The following SPEN variants were observed in gnomAD, a reference collection of about 807,000 sequenced individuals.
SPEN encodes the protein msx2-interacting protein.
A neutral mutation model predicts 269.9 loss-of-function variants in SPEN; 18 were observed. The ratio of observed to expected loss-of-function variants is 0.07; its 90% CI spans 0.05 to 0.10. The LOEUF (loss-of-function observed/expected upper bound fraction) is 0.10, where lower values mean the gene tolerates loss of function less well. Among genes scored for constraint, SPEN ranks in the 10% least tolerant of loss-of-function variants. The pLI, the probability that SPEN is intolerant of heterozygous loss-of-function variation, is 1.00. For missense variants in SPEN, 3,822 were observed against 4,631.2 expected, an observed-to-expected ratio of 0.83 and a Z score of 5.07; for synonymous variants, 1,726 against 1,765.7, an observed-to-expected ratio of 0.98 and a Z score of 0.56.
chr1:15,933,975 A>C lies in SPEN; in HGVS notation c.7735A>C (p.Lys2579Gln), dbSNP rs760674060. 3 of 1,614,016 alleles carry C rather than the reference A, an allele frequency of 1.9e-6. No individual in the cohort carries two copies. The highest frequency in any genetic ancestry group is 2.5e-6 in the Non-Finnish European group (3 of 1,179,944). The change falls in exon 11 of 15, where the codon AAA becomes CAA. Residue 2579 changes from lysine (K) to glutamine (Q), a missense_variant. By Grantham distance (53) the Lys-to-Gln change is moderately conservative. Coordinates refer to ENST00000375759, the MANE Select transcript of SPEN (RefSeq NM_015001.3). The surrounding 1 kb of genome is among the most constrained non-coding windows in gnomAD (Gnocchi z 5.7). ...GGCCCCGCCCCCGCCAGTTGACTCTAAAAAGCCTTTAGAAGAAAAAACAGC... is the reference window on the plus strand; with the variant it reads ...GGCCCCGCCCCCGCCAGTTGACTCTCAAAAGCCTTTAGAAGAAAAAACAGC... ...HEAPPPPVDSKKPLEEKTAPP... is the reference protein window; with the variant it reads ...HEAPPPPVDSQKPLEEKTAPP...
intron 8 of SPEN, among the ~76,000 whole-genome samples, chr1:15,920,542 C>T (rs1251622463): frequency 6.6e-6 from 1 of 151,932 alleles, no homozygotes; most frequent in East Asian, 1.9e-4. Context: ...GTTGGTTTTG[C>T]TTTTTTGTTT....
chr1:15,859,770 A>G (rs1242428608), intron 1 of SPEN, among the ~76,000 whole-genome samples: 2 of 152,118 alleles, frequency 1.3e-5, no homozygotes, highest in Non-Finnish European at 2.9e-5. Flanking sequence ...ATGATTTTCG[A>G]GAGGACTTTT....
In SPEN at chr1:15,933,629, C is replaced by T. The variant is rs772407467; in HGVS notation, c.7389C>T (p.Ser2463=). The T allele has an allele frequency of 6.8e-6, 11 of 1,613,924 alleles. No homozygotes were observed. Among genetic ancestry groups the T allele is most frequent in the Middle Eastern group, 1.6e-4 (1 of 6,084 alleles). ...IIESDPVTPP[S]DPSIPIPTLP... The stretch of plus-strand genomic sequence containing the variant: ...AAAGTGACCCGGTGACCCCACCCAG[C>T]GATCCAAGCATCCCCATACCCACAC... Residue 2463 remains serine, a synonymous_variant, in exon 11 of 15, where the codon AGC becomes AGT. Transcript: ENST00000375759. The surrounding 1 kb of genome is among the most constrained non-coding windows in gnomAD (Gnocchi z 5.7).
intron 1 of SPEN, among the ~76,000 whole-genome samples, chr1:15,867,142 C>T (rs2070523002): frequency 1.3e-5 from 2 of 152,230 alleles, no homozygotes; most frequent in South Asian, 4.1e-4. Flanking sequence ...CAGTCATTCT[C>T]CATTCTCCTT....
Position 15,930,336 on chromosome 1 carries a change from C to A in SPEN, c.4096C>A (p.Arg1366=). The part of the protein sequence containing the change: ...PNSIIKRDSL[R]KRSVRDLEPG... ...CAGCATAATTAAGAGAGATAGCCTT[C>A]GAAAAAGGTCTGTACGAGATCTGGA... Residue 1366 remains arginine (R), a synonymous_variant, in exon 11 of 15, where the codon CGA becomes AGA. Transcript: ENST00000375759. This position sits in a 1 kb window ranked among gnomAD's most constrained non-coding sequence, Gnocchi z 5.3. 1 of 1,613,544 alleles carries A rather than the reference C, an allele frequency of 6.2e-7. No homozygotes were observed. The highest frequency in any genetic ancestry group is 8.5e-7 in the Non-Finnish European group (1 of 1,179,700).
intron 1 of SPEN, among the ~76,000 whole-genome samples, chr1:15,869,217 C>G (rs563760038): frequency 6.6e-6 from 1 of 151,872 alleles, no homozygotes; most frequent in South Asian, 2.1e-4. Flanking sequence ...CCACCACACT[C>G]GGCTAATTTT....
chr1:15,852,529 C>T (rs1459691014), intron 1 of SPEN, among the ~76,000 whole-genome samples: 10 of 151,962 alleles, frequency 6.6e-5, no homozygotes, highest in South Asian at 2.1e-4. Flanking sequence ...CCAAAAGGAA[C>T]GCCCCTGGCA....
chr1:15,848,556 C>T lies in SPEN; in HGVS notation c.83+406C>T, dbSNP rs907992551. On this transcript the variant is annotated intron_variant, in intron 1 of 14. Transcript: ENST00000375759. This position sits in a 1 kb window ranked among gnomAD's most constrained non-coding sequence, Gnocchi z 5.1. ...CCGGGACCCGAGCCCGCCCGACAGC[C>T]GGGTCCGGCGCCGCCACTCCAAGCT... is the stretch of plus-strand genomic sequence containing the variant. Among the ~76,000 whole-genome samples, 2 of 152,018 alleles carry T rather than the reference C, an allele frequency of 1.3e-5. No homozygotes were observed. Among genetic ancestry groups the T allele is most frequent in the Admixed American group, 1.3e-4 (2 of 15,252 alleles).
At chr1:15,902,050 T>C (rs2070906979) in intron 3 of SPEN, among the ~76,000 whole-genome samples, 1 of 149,516 alleles carries the variant, frequency 6.7e-6, no homozygotes, top group African/African-American at 2.5e-5. Context: ...TGCCTTAGCC[T>C]CCCAAGTAGC....
intron 3 of SPEN, among the ~76,000 whole-genome samples, chr1:15,891,919 C>G (rs1219479487): frequency 1.4e-5 from 2 of 143,606 alleles, no homozygotes; most frequent in African/African-American, 5.2e-5. Flanking sequence ...AAAAAAAAAA[C>G]TTATTTATGT....
At position 15,867,229 on chromosome 1, in the gene SPEN, T is replaced by C. The variant is rs981839084; in HGVS notation, c.84-5587T>C. Among the ~76,000 whole-genome samples the C allele has an allele frequency of 3.9e-5, 6 of 152,244 alleles. 1 individual carries two copies. Among genetic ancestry groups the C allele is most frequent in the South Asian group, 4.1e-4 (2 of 4,836 alleles). Reference sequence around the variant, plus strand: ...CCTATTTTGGACCTTTTGTGTATTATGGAATCATACAGTATGTGACTGGCT... The same window carrying C: ...CCTATTTTGGACCTTTTGTGTATTACGGAATCATACAGTATGTGACTGGCT... On this transcript the variant is annotated intron_variant, in intron 1 of 14. Transcript: ENST00000375759.
chr1:15,936,768 C>T (rs988599377), intron 11 of SPEN, among the ~76,000 whole-genome samples: 4 of 152,124 alleles, frequency 2.6e-5, no homozygotes, highest in African/African-American at 9.7e-5. Context: ...GAAACTCTGT[C>T]CCTACTTAAA....
chr1:15,858,774 A>G (rs2148704073), intron 1 of SPEN, among the ~76,000 whole-genome samples: 1 of 152,056 alleles, frequency 6.6e-6, no homozygotes, highest in Admixed American at 6.6e-5. Context: ...GGCTGTAAAA[A>G]CAAAAACAAA....
intron 1 of SPEN, among the ~76,000 whole-genome samples, chr1:15,858,861 T>C (rs192507505): frequency 2.3e-3 from 344 of 152,280 alleles, no homozygotes; most frequent in African/African-American, 7.9e-3. Flanking sequence ...GGAGGATCAC[T>C]TGGGCCCATG....
At chr1:15,899,543 T>TTTG (rs2070879425) in intron 3 of SPEN, among the ~76,000 whole-genome samples, 1 of 147,388 alleles carries the variant, frequency 6.8e-6, no homozygotes, top group African/African-American at 2.5e-5. Context: ...CAGAGTTTTT[T>TTTG]TTTTTTTTTT....
In SPEN at chr1:15,883,637, A is replaced by AC. The variant is rs1341703175; in HGVS notation, c.881+6960dup. On this transcript the variant is annotated intron_variant, in intron 3 of 14. Coordinates refer to ENST00000375759, the MANE Select transcript of SPEN (RefSeq NM_015001.3). ...TGTGAGCCACTGTGCCCGGCCTAAA[A>AC]CAATTTACTTTTTAATTGAAAGGGA... 2.0e-5 allele frequency among the ~76,000 whole-genome samples: 3 copies of AC among 151,956 alleles called. No individual in the cohort carries two copies. The East Asian group carries it at 5.8e-4, about 29-fold the overall frequency.
rs2071268168 is a variant in SPEN at position 15,935,735 on chromosome 1, T to A, written c.9495T>A (p.Pro3165=). ...PPEEEVHYHL[P]VARATAPVQS... is the part of the protein sequence containing the mutation. ...AGGAGGAAGTGCATTATCACCTTCC[T>A]GTCGCTCGAGCCACAGCCCCTGTGC... The change falls in exon 11 of 15, where the codon CCT becomes CCA. Residue 3165 remains proline (P), a synonymous_variant. Transcript: ENST00000375759. This position sits in a 1 kb window ranked among gnomAD's most constrained non-coding sequence, Gnocchi z 7.7. 6.2e-7 allele frequency: 1 copy of A among 1,613,070 alleles called. No individual in the cohort carries two copies. Among genetic ancestry groups the A allele is most frequent in the African/African-American group, 1.3e-5 (1 of 74,884 alleles).
chr1:15,860,442 A>AGTGTGTGTGTGTGTGTGT (rs71574142), intron 1 of SPEN, among the ~76,000 whole-genome samples: 1 of 120,032 alleles, frequency 8.3e-6, no homozygotes, highest in African/African-American at 3.2e-5. Context: ...GTCCCACTGT[A>AGTGTGTGTGTGTGTGTGT]GTGTGTGTGT....
intron 11 of SPEN, among the ~76,000 whole-genome samples, chr1:15,936,480 A>C (rs1345062652): frequency 6.7e-6 from 1 of 148,372 alleles, no homozygotes; most frequent in Non-Finnish European, 1.5e-5. Flanking sequence ...ATCTCGTACA[A>C]AAAAAAAAAA....
Sources: allele counts gnomAD v4.1 joint callset (sites outside exome capture counted in the v4.1 genomes callset), GRCh38; gene constraint gnomAD v4.1.1; non-coding constraint Gnocchi (gnomAD v3.1); transcripts MANE v1.5; gene names NCBI Gene and HGNC (gene_info 2026-07-23, HGNC 2026-07-21).